EMC3: variants seen among roughly 807,000 people sequenced by gnomAD.
The protein encoded by EMC3 is 30 kDa protein.
In EMC3, 13 loss-of-function variants were observed where a neutral mutation model predicts 36.6. The observed-to-expected ratio is 0.35, with a 90% CI of 0.23 to 0.56. The LOEUF (loss-of-function observed/expected upper bound fraction) is 0.56, where lower values mean the gene tolerates loss of function less well. EMC3 is among the 20% of genes least tolerant of loss of function. The probability of loss-of-function intolerance (pLI) is 0.84; values close to 1 mark genes in which losing one functional copy is unlikely to be tolerated. For missense variants in EMC3, 220 were observed against 324.5 expected (o/e 0.68, Z 2.47); for synonymous variants, 120 against 111.9 (o/e 1.07, Z -0.46).
At chr3:9,999,266 G>A (rs1407217458) in intron 1 of EMC3, among the ~76,000 whole-genome samples, 5 of 144,960 alleles carry the variant, frequency 3.4e-5, no homozygotes, top group Admixed American at 2.7e-4. Flanking sequence ...TTTTGGAGAT[G>A]GAGTCTAGCT....
chr3:9,989,237 A>G (rs2086016034), upstream of EMC3, among the ~76,000 whole-genome samples: 1 of 152,218 alleles, frequency 6.6e-6, no homozygotes, highest in Non-Finnish European at 1.5e-5. Context: ...TATTAATTCT[A>G]GAAATACCTT....
chr3:10,008,446 C>G, intron 1 of EMC3: 5 of 1,367,730 alleles, frequency 3.7e-6, no homozygotes, highest in Non-Finnish European at 4.9e-6. Context: ...TTGTTCATCT[C>G]CCTTTGCTGC....
intron 7 of EMC3, among the ~76,000 whole-genome samples, chr3:9,967,568 A>G (rs1202560896): frequency 6.6e-6 from 1 of 152,172 alleles, no homozygotes; most frequent in African/African-American, 2.4e-5. Flanking sequence ...CCATTGACCT[A>G]TATCTCTCCT....
upstream of EMC3, among the ~76,000 whole-genome samples, chr3:9,990,904 C>T (rs1434322758): frequency 6.6e-6 from 1 of 152,060 alleles, no homozygotes; most frequent in Non-Finnish European, 1.5e-5. Flanking sequence ...TCTCGGCTCA[C>T]TGCAAGCTCC....
At chr3:9,987,854 C>G (rs1559355196), upstream of EMC3, 2 of 699,860 alleles carry the variant, frequency 2.9e-6, no homozygotes, top group East Asian at 6.2e-5. Context: ...CTGGACTGTA[C>G]CTACCCACTA....
chr3:9,983,376 G>C (rs1457862754), intron 1 of EMC3, among the ~76,000 whole-genome samples: 1 of 152,080 alleles, frequency 6.6e-6, no homozygotes, highest in Non-Finnish European at 1.5e-5. Flanking sequence ...TTGAACCCCT[G>C]ACTTTAAGAG....
At chr3:9,992,956 G>A (rs1293696783) in intron 1 of EMC3, 8 of 1,610,146 alleles carry the variant, frequency 5.0e-6, no homozygotes, top group Middle Eastern at 1.7e-4. Context: ...AATAAGATTC[G>A]ATCAGGCTGC....
chr3:9,972,196 T>A lies in EMC3; in HGVS notation c.494+1432A>T, dbSNP rs942354187. On this transcript the variant is annotated intron_variant, in intron 5 of 7. Transcript: ENST00000245046. ...CGCTAAGCCCAGTGACTAGAACTAATGAAAACTATTATCATTAGTAGTAAT... is the reference window on the plus strand; with the variant it reads ...CGCTAAGCCCAGTGACTAGAACTAAAGAAAACTATTATCATTAGTAGTAAT... Among the ~76,000 whole-genome samples, 36 of 151,474 alleles carry A rather than the reference T, an allele frequency of 2.4e-4. 1 individual carries two copies. Among genetic ancestry groups the A allele is most frequent in the Admixed American group, 3.9e-4 (6 of 15,198 alleles).
intron 5 of EMC3, among the ~76,000 whole-genome samples, chr3:9,972,014 C>A (rs56762822): frequency 0.12 from 18,074 of 148,368 alleles, 1,877 homozygotes; most frequent in African/African-American, 0.29. Context: ...TTCTGCCATT[C>A]AAAAAAAAAT....
upstream of EMC3, chr3:9,987,972 T>G: frequency 2.0e-6 from 2 of 985,128 alleles, no homozygotes; most frequent in Non-Finnish European, 3.2e-6. Context: ...TGTTGCAGGC[T>G]TTCCAAGTAA....
upstream of EMC3, chr3:9,988,240 A>C: frequency 1.7e-6 from 1 of 603,398 alleles, no homozygotes; most frequent in Non-Finnish European, 3.1e-6. Context: ...CTACAGTGCA[A>C]GTTTATTAGC....
chr3:9,977,494 G>A (rs1029468713), intron 1 of EMC3, 48 bp from the exon 2 acceptor site: 1 of 1,554,892 alleles, frequency 6.4e-7, no homozygotes, highest in Non-Finnish European at 8.8e-7. Flanking sequence ...TGAAACACTA[G>A]AAGAAAATGG....
chr3:9,965,615 A>G (rs2085730281), intron 7 of EMC3, among the ~76,000 whole-genome samples: 1 of 152,312 alleles, frequency 6.6e-6, no homozygotes, highest in South Asian at 2.1e-4. Context: ...CTAATTGCAG[A>G]ACACTTTTAT....
intron 1 of EMC3, among the ~76,000 whole-genome samples, chr3:9,982,146 C>T (rs540177709): frequency 2.6e-4 from 39 of 151,852 alleles, no homozygotes; most frequent in South Asian, 6.2e-4. Context: ...GATGGGGTTT[C>T]GCCATGCTGG....
chr3:9,989,365 A>C (rs1385806501), upstream of EMC3, among the ~76,000 whole-genome samples: 4 of 152,196 alleles, frequency 2.6e-5, no homozygotes, highest in African/African-American at 7.2e-5. Context: ...AGCCTGGCCA[A>C]TGTAGCGAAA....
intron 1 of EMC3, among the ~76,000 whole-genome samples, chr3:9,993,882 C>G (rs2086087896): frequency 6.6e-6 from 1 of 152,220 alleles, no homozygotes; most frequent in Admixed American, 6.5e-5. Context: ...CATGAGGAAA[C>G]CGGGATTTAG....
At chr3:9,988,484 T>A, upstream of EMC3, 1 of 1,265,428 alleles carries the variant, frequency 7.9e-7, no homozygotes, top group Non-Finnish European at 1.2e-6. Flanking sequence ...TAAGGTGGGA[T>A]CTTTGGAACT....
At chr3:10,003,451 C>A in intron 1 of EMC3, 1 of 357,048 alleles carries the variant, frequency 2.8e-6, no homozygotes, top group Non-Finnish European at 5.5e-6. Flanking sequence ...ATAGTCACTA[C>A]ACTTAGAGTA....
rs76003899 is a variant in EMC3 at position 9,977,055 on chromosome 3, T to TA, written c.214-6dup. 92,188 of 1,258,356 alleles carry TA rather than the reference T, an allele frequency of 0.073. 19 individuals carry two copies. Among genetic ancestry groups the TA allele is most frequent in the Non-Finnish European group, 0.078 (72,121 of 922,558 alleles). The allele number at this position is 1,258,356 out of a possible 1,614,324, so 77.9% of individuals were successfully genotyped here. ...ATATTTTCGTGTCAAGAAAGACTAG[T>TA]AAAAAAAAAAAAAAGTGTTTTAAGT... is the stretch of plus-strand genomic sequence containing the variant. On this transcript the variant is annotated splice_region_variant and splice_polypyrimidine_tract_variant and intron_variant, in intron 2 of 7. Transcript: ENST00000245046.
Sources: allele counts gnomAD v4.1 joint callset (sites outside exome capture counted in the v4.1 genomes callset), GRCh38; gene constraint gnomAD v4.1.1; transcripts MANE v1.5; gene names NCBI Gene and HGNC (gene_info 2026-07-23, HGNC 2026-07-21).